ZNF652: variants seen among roughly 807,000 people sequenced by gnomAD.
ZNF652 encodes the protein zinc finger protein 652.
In ZNF652, 16 loss-of-function variants were observed where a neutral mutation model predicts 45.2. That is an observed-to-expected ratio of 0.35 (90% CI 0.24 to 0.54). The LOEUF is 0.54. Among genes scored for constraint, ZNF652 ranks in the 20% least tolerant of loss-of-function variants. ZNF652 has a pLI of 0.91. For synonymous variants in ZNF652, 250 were observed against 260.6 expected, an observed-to-expected ratio of 0.96 and a Z score of 0.39; for missense variants, 614 against 765.6, an observed-to-expected ratio of 0.80 and a Z score of 2.34.
rs2069490392 is a variant in ZNF652, at chr17:49,297,393, T to A, written c.*1020A>T. ...CTGTCAGCAAACAGCCTTATTCAAA[T>A]TTTCAAAACATGCAAGCTTTAGGTG... is the stretch of plus-strand genomic sequence containing the variant. On this transcript the variant is annotated 3_prime_UTR_variant, in exon 6 of 6. Transcript: ENST00000430262. The A allele has an allele frequency of 6.6e-6, 1 of 152,506 alleles. No individual in the cohort carries two copies. The highest frequency in any genetic ancestry group is 2.4e-5 in the African/African-American group (1 of 41,430). The allele number at this position is 152,506 out of a possible 1,614,324, so 9.4% of individuals were successfully genotyped here. A position where few individuals can be genotyped will look rare whatever the true frequency, so the allele number is the denominator to read the frequency against.
At chr17:49,333,755 AATGGCCAATG>A (rs1327778764) in intron 1 of ZNF652, among the ~76,000 whole-genome samples, 1 of 151,544 alleles carries the variant, frequency 6.6e-6, no homozygotes, top group African/African-American at 2.4e-5. Context: ...AAGATATACA[AATGGCCAATG>A]CGTAAAGGAA....
chr17:49,311,816 T>C, intron 4 of ZNF652, 111 bp downstream of exon 4: 1 of 871,448 alleles, frequency 1.1e-6, no homozygotes, highest in East Asian at 2.5e-5. Flanking sequence ...CTGAAAGTTC[T>C]GTGGAAGGCA....
intron 1 of ZNF652, among the ~76,000 whole-genome samples, chr17:49,354,615 A>AAC (rs1555553190): frequency 6.6e-6 from 1 of 151,348 alleles, no homozygotes; most frequent in African/African-American, 2.4e-5. Context: ...CGCCTCAAAA[A>AAC]AAAAAAACAA....
Position 49,348,444 on chromosome 17 carries a change from C to A in ZNF652, c.-259+13465G>T, listed in dbSNP as rs1213426315. ...GAGGTTACAGTGAGCCAAGACTGAG[C>A]CTCAGGCTGGGTGACAGAGCAAGAC... On this transcript the variant is annotated intron_variant, in intron 1 of 5. Transcript: ENST00000430262. 3.4e-5 allele frequency among the ~76,000 whole-genome samples: 5 copies of A among 147,084 alleles called. No homozygotes were observed. In the South Asian group the frequency reaches 1.1e-3, roughly 31 times the overall value.
At chr17:49,335,125 AT>A (rs2070066731) in intron 1 of ZNF652, among the ~76,000 whole-genome samples, 1 of 152,184 alleles carries the variant, frequency 6.6e-6, no homozygotes, top group Non-Finnish European at 1.5e-5. Flanking sequence ...TAGTAAATGA[AT>A]TATATTTCAA....
intron 1 of ZNF652, among the ~76,000 whole-genome samples, chr17:49,341,521 G>A (rs1030386818): frequency 6.9e-6 from 1 of 144,306 alleles, no homozygotes; most frequent in African/African-American, 2.6e-5. Flanking sequence ...AAAATTAGCC[G>A]GGTGTGGTGG....
At chr17:49,351,026 C>CTGTATATGT (rs1567700354) in intron 1 of ZNF652, among the ~76,000 whole-genome samples, 1 of 89,080 alleles carries the variant, frequency 1.1e-5, no homozygotes, top group African/African-American at 5.5e-5. Context: ...CACACACACA[C>CTGTATATGT]ACACACACAC....
At chr17:49,312,886 A>G in intron 2 of ZNF652, 41 bp from the exon 3 acceptor site, 1 of 1,588,802 alleles carries the variant, frequency 6.3e-7, no homozygotes, top group Non-Finnish European at 8.6e-7. Context: ...AGGGGCTTAC[A>G]GCATGCCATA....
At chr17:49,331,861 T>C (rs1388929455) in intron 1 of ZNF652, among the ~76,000 whole-genome samples, 2 of 152,184 alleles carry the variant, frequency 1.3e-5, no homozygotes, top group African/African-American at 2.4e-5. Context: ...CCCAGCTATT[T>C]GGGAGGCTGA....
intron 1 of ZNF652, among the ~76,000 whole-genome samples, chr17:49,355,117 C>T (rs1300338375): frequency 6.6e-6 from 1 of 152,104 alleles, no homozygotes; most frequent in Admixed American, 6.5e-5. Context: ...CCAAAATATT[C>T]AAAACAAGAT....
chr17:49,321,422 C>CTTTTTTTT (rs11350404), intron 1 of ZNF652, among the ~76,000 whole-genome samples: 3,378 of 73,022 alleles, frequency 0.046, 4 homozygotes, highest in Middle Eastern at 0.086. Flanking sequence ...CACCACCACG[C>CTTTTTTTT]TTTTTTTTTT....
rs573466396 is a variant in ZNF652, at chr17:49,315,523, T to A, written c.900+1303A>T. On this transcript the variant is annotated intron_variant, in intron 2 of 5. Transcript: ENST00000430262. ...AGGAAAGTCACACACAAAAAGTATT[T>A]ATTAAATGTTTTCTGTAACTTAAAC... is the stretch of plus-strand genomic sequence containing the variant. 5.9e-5 allele frequency among the ~76,000 whole-genome samples: 9 copies of A among 151,470 alleles called. No homozygotes were observed. In the South Asian group the frequency reaches 1.3e-3, roughly 21 times the overall value.
At chr17:49,312,998 A>G (rs936131780) in intron 2 of ZNF652, among the ~76,000 whole-genome samples, 153 bp from the exon 3 acceptor site, 4 of 152,168 alleles carry the variant, frequency 2.6e-5, no homozygotes, top group Non-Finnish European at 5.9e-5. Context: ...TCCAACACCA[A>G]CATCTGTATG....
chr17:49,304,475 T>G (rs2143727941), intron 5 of ZNF652, among the ~76,000 whole-genome samples: 1 of 152,184 alleles, frequency 6.6e-6, no homozygotes, highest in African/African-American at 2.4e-5. Context: ...AAACCTCAAG[T>G]TTAAGATTAC....
At chr17:49,346,563 C>T (rs1490861504) in intron 1 of ZNF652, among the ~76,000 whole-genome samples, 3 of 152,140 alleles carry the variant, frequency 2.0e-5, no homozygotes, top group Non-Finnish European at 4.4e-5. Flanking sequence ...AACAAACAAA[C>T]AAACTACTAT....
chr17:49,320,830 G>A (rs770607343), intron 1 of ZNF652, among the ~76,000 whole-genome samples: 1 of 152,128 alleles, frequency 6.6e-6, no homozygotes, highest in Non-Finnish European at 1.5e-5. Flanking sequence ...AATATTTCTG[G>A]CTCTCGGCTT....
intron 5 of ZNF652, among the ~76,000 whole-genome samples, chr17:49,304,365 C>T (rs2069598500): frequency 6.6e-6 from 1 of 152,116 alleles, no homozygotes; most frequent in Non-Finnish European, 1.5e-5. Flanking sequence ...TCCAGACCTT[C>T]ACTTGACATT....
At chr17:49,343,664 T>G (rs1442656220) in intron 1 of ZNF652, among the ~76,000 whole-genome samples, 1 of 152,150 alleles carries the variant, frequency 6.6e-6, no homozygotes, top group African/African-American at 2.4e-5. Context: ...TAACTTTTTT[T>G]TTTTTTTTAA....
intron 1 of ZNF652, among the ~76,000 whole-genome samples, chr17:49,350,934 C>T (rs1319008220): frequency 7.0e-6 from 1 of 143,832 alleles, no homozygotes; most frequent in Non-Finnish European, 1.5e-5. Context: ...CACACCACTA[C>T]ATTCCAGTCT....
Sources: gnomAD v4.1 joint callset for allele counts (sites outside exome capture counted in the v4.1 genomes callset) on GRCh38, gnomAD v4.1.1 for gene constraint, MANE v1.5 for transcripts, NCBI Gene and HGNC (gene_info 2026-07-23, HGNC 2026-07-21) for gene names.